The following PITPNM3 variants were observed in gnomAD, a reference collection of about 807,000 sequenced individuals.
PITPNM3 encodes PITPNM family member 3.
Under a neutral mutation model 102.0 loss-of-function variants are expected in PITPNM3, and 26 were observed. That is an observed-to-expected ratio of 0.25 (90% CI 0.19 to 0.35). PITPNM3 has a LOEUF of 0.35. PITPNM3 is among the 10% of genes least tolerant of loss of function. The pLI, the probability that PITPNM3 is intolerant of heterozygous loss-of-function variation, is 1.00. For synonymous variants in PITPNM3, 578 were observed against 558.6 expected, an observed-to-expected ratio of 1.03 and a Z score of -0.49; for missense variants, 1,083 against 1,346.1, an observed-to-expected ratio of 0.80 and a Z score of 3.06.
intron 2 of PITPNM3, among the ~76,000 whole-genome samples, chr17:6,529,277 T>C (rs367799796): frequency 5.9e-5 from 9 of 152,250 alleles, no homozygotes; most frequent in East Asian, 3.9e-4. Flanking sequence ...GTTTCTACTG[T>C]TGACAGGACT....
chr17:6,493,328 G>A (rs184833417), intron 4 of PITPNM3, among the ~76,000 whole-genome samples: 1 of 152,354 alleles, frequency 6.6e-6, no homozygotes, highest in East Asian at 1.9e-4. Context: ...AAGGGGCTCA[G>A]GAGGTTGAGA....
chr17:6,483,565 A>G lies in PITPNM3; in HGVS notation c.539T>C (p.Phe180Ser). ...PAALGHILIK[F>S]VPCPAICSEA... ...AGAGCAGATGGCAGGACAGGGGACG[A>G]ACTTGATGAGGATGTGGCCCAGGGC... Residue 180 changes from phenylalanine to serine, a missense_variant, in exon 6 of 20, where the codon TTC becomes TCC. By Grantham distance (155) the Phe-to-Ser change is radical. Around this residue, in one of 5 missense-constraint regions of PITPNM3, gnomAD observed 290 missense variants for 337.8 expected, o/e 0.86. Coordinates refer to ENST00000262483, the MANE Select transcript of PITPNM3 (RefSeq NM_031220.4). 6.2e-7 allele frequency: 1 copy of G among 1,614,040 alleles called. No homozygotes were observed. The highest frequency in any genetic ancestry group is 1.3e-5 in the African/African-American group (1 of 74,994).
At chr17:6,489,174 A>G (rs945226656) in intron 4 of PITPNM3, among the ~76,000 whole-genome samples, 3 of 152,094 alleles carry the variant, frequency 2.0e-5, no homozygotes, top group African/African-American at 4.8e-5. Context: ...CACACTCAGC[A>G]CCCCAAGCAA....
chr17:6,515,098 A>G (rs1376417585), intron 3 of PITPNM3, among the ~76,000 whole-genome samples: 1 of 152,084 alleles, frequency 6.6e-6, no homozygotes, highest in Non-Finnish European at 1.5e-5. Flanking sequence ...TTTTTTCAGA[A>G]ATGAAAATGT....
chr17:6,530,969 TGGCCCAC>T (rs1909113190), intron 2 of PITPNM3, among the ~76,000 whole-genome samples: 1 of 152,196 alleles, frequency 6.6e-6, no homozygotes, highest in African/African-American at 2.4e-5. Flanking sequence ...GCTGTGCCAC[TGGCCCAC>T]GGCCATGCAG....
chr17:6,483,418 G>A, intron 6 of PITPNM3, 99 bp downstream of exon 6: 1 of 1,184,928 alleles, frequency 8.4e-7, no homozygotes, highest in Non-Finnish European at 1.2e-6. Context: ...AGTCCTTGCA[G>A]GTACCCACCT....
At position 6,517,355 on chromosome 17, in the gene PITPNM3, C is replaced by T. The variant is rs1199973426; in HGVS notation, c.226+8001G>A. Among the ~76,000 whole-genome samples, 1 of 151,990 alleles carries T rather than the reference C, an allele frequency of 6.6e-6. No homozygotes were observed. Among genetic ancestry groups the T allele is most frequent in the South Asian group, 2.1e-4 (1 of 4,822 alleles). On this transcript the variant is annotated intron_variant, in intron 3 of 19. Transcript: ENST00000262483. The surrounding 1 kb of genome is among the most constrained non-coding windows in gnomAD (Gnocchi z 4.1). ...AGCCACCATGATGAGAAAACAAAAC[C>T]CTCCCCAAAAGTAAAACAGCAAAAC...
chr17:6,463,684 G>C, intron 17 of PITPNM3, 48 bp downstream of exon 17: 1 of 1,598,518 alleles, frequency 6.3e-7, no homozygotes, highest in East Asian at 2.3e-5. Context: ...AGGGCTGCTG[G>C]CTCCTGCCCC....
chr17:6,461,108 T>G (rs1008073185), intron 18 of PITPNM3: 2 of 548,226 alleles, frequency 3.6e-6, no homozygotes, highest in Non-Finnish European at 6.6e-6. Context: ...AATGGCCAGA[T>G]GTAGAGACAA....
At chr17:6,461,305 TG>T (rs1304464426) in intron 18 of PITPNM3, 67 bp downstream of exon 18, 47 of 1,545,322 alleles carry the variant, frequency 3.0e-5, no homozygotes, top group Non-Finnish European at 4.2e-5. Context: ...AGGAGGGAGA[TG>T]GGGAGCGGTG....
At chr17:6,480,448 A>G (rs7210651) in intron 6 of PITPNM3, 28,237 of 152,258 alleles carry the variant, frequency 0.19, 2,721 homozygotes, top group Non-Finnish European at 0.19. Flanking sequence ...CAGAGCCACA[A>G]TTGGCTGAGA....
At position 6,455,064 on chromosome 17, in the gene PITPNM3, T is replaced by C. The variant is rs1249539958; in HGVS notation, c.*274A>G. The C allele has an allele frequency of 6.1e-6, 3 of 488,954 alleles. No homozygotes were observed. Among genetic ancestry groups the C allele is most frequent in the East Asian group, 7.0e-5 (2 of 28,648 alleles). 30.3% of individuals were successfully genotyped at this position (488,954 alleles called of 1,614,324 possible). A position where few individuals can be genotyped will look rare whatever the true frequency, so the allele number is the denominator to read the frequency against. ...GCCCCGGGCAAGCCTGCCCCCAGGA[T>C]GACACAAACATGAACCCTGACTTGG... On this transcript the variant is annotated 3_prime_UTR_variant, in exon 20 of 20. Coordinates refer to ENST00000262483, the MANE Select transcript of PITPNM3 (RefSeq NM_031220.4).
intron 1 of PITPNM3, among the ~76,000 whole-genome samples, chr17:6,539,265 G>GC (rs1909612144): frequency 6.6e-6 from 1 of 152,178 alleles, no homozygotes; most frequent in Non-Finnish European, 1.5e-5. Flanking sequence ...TTTACTGCAA[G>GC]GGGGGTCTGA....
intron 11 of PITPNM3, 57 bp from the exon 12 acceptor site, chr17:6,471,412 C>A: frequency 7.0e-7 from 1 of 1,436,652 alleles, no homozygotes; most frequent in Non-Finnish European, 9.3e-7. Context: ...GAGCTGCCCA[C>A]TCAGTGCCAG....
Position 6,457,848 on chromosome 17 carries a change from A to C in PITPNM3, c.2491-126T>G. On this transcript the variant is annotated intron_variant, in intron 18 of 19. Transcript: ENST00000262483. This position sits in a 1 kb window ranked among gnomAD's most constrained non-coding sequence, Gnocchi z 4.7. ...TGTGCACTCTGGTAGACTCCAAGCCATGGGGCCACCCTGTGTCAGGAATGA... is the reference window on the plus strand; with the variant it reads ...TGTGCACTCTGGTAGACTCCAAGCCCTGGGGCCACCCTGTGTCAGGAATGA... 7.5e-7 allele frequency: 1 copy of C among 1,342,154 alleles called. No individual in the cohort carries two copies. Among genetic ancestry groups the C allele is most frequent in the Non-Finnish European group, 1.0e-6 (1 of 973,558 alleles). 83.1% of individuals were successfully genotyped at this position (1,342,154 alleles called of 1,614,324 possible).
rs1175272629 is a variant in PITPNM3 at position 6,536,148 on chromosome 17, A to G, written c.118+1839T>C. Among the ~76,000 whole-genome samples, 3 of 152,034 alleles carry G rather than the reference A, an allele frequency of 2.0e-5. No homozygotes were observed. In the East Asian group the frequency reaches 5.8e-4, roughly 29 times the overall value. On this transcript the variant is annotated intron_variant, in intron 2 of 19. Coordinates refer to ENST00000262483, the MANE Select transcript of PITPNM3 (RefSeq NM_031220.4). ...GGCCACCAACATGGGAGGAGTGAGA[A>G]GTGGGGCCGATTTCACGGCAGAACA...
intron 4 of PITPNM3, among the ~76,000 whole-genome samples, chr17:6,490,169 T>A (rs1217987766): frequency 6.6e-6 from 1 of 152,078 alleles, no homozygotes; most frequent in African/African-American, 2.4e-5. Context: ...CAGTAGCACC[T>A]GGGGGACTCA....
In PITPNM3 at chr17:6,468,545, G is replaced by A. The variant is rs369013456; in HGVS notation, c.1774-204C>T. Among the ~76,000 whole-genome samples the A allele has an allele frequency of 6.6e-6, 1 of 152,136 alleles. No homozygotes were observed. The highest frequency in any genetic ancestry group is 2.4e-5 in the African/African-American group (1 of 41,430). On this transcript the variant is annotated intron_variant, in intron 13 of 19. Transcript: ENST00000262483. The surrounding 1 kb of genome is among the most constrained non-coding windows in gnomAD (Gnocchi z 5.2). ...CTGGGGCCAGAGCAGTCTCCCAGCT[G>A]GCTCCCTTCCTGAGAGAAGTCTCTG... is the stretch of plus-strand genomic sequence containing the variant.
At chr17:6,467,031 C>T (rs1904808781) in intron 14 of PITPNM3, among the ~76,000 whole-genome samples, 1 of 143,620 alleles carries the variant, frequency 7.0e-6, no homozygotes. Context: ...CCACTGCACT[C>T]CAGCCTGGGC....
Sources: gnomAD v4.1 joint callset for allele counts (sites outside exome capture counted in the v4.1 genomes callset) on GRCh38, gnomAD v4.1.1 for gene constraint, gnomAD v4.1.1 regional missense constraint, Gnocchi (gnomAD v3.1) non-coding constraint, MANE v1.5 for transcripts, NCBI Gene and HGNC (gene_info 2026-07-23, HGNC 2026-07-21) for gene names.